Variants in PLEKHA6 observed in about 807,000 individuals in gnomAD.
The protein encoded by PLEKHA6 is pleckstrin homology domain-containing family A member 6.
PLEKHA6 carries 60 observed loss-of-function variants against 116.7 expected under a neutral mutation model. That is an observed-to-expected ratio of 0.51 (90% CI 0.42 to 0.64). PLEKHA6 has a LOEUF of 0.64. PLEKHA6 is among the 30% of genes least tolerant of loss of function. PLEKHA6 has a pLI of 0.00. For missense variants in PLEKHA6, 1,338 were observed against 1,422.7 expected (o/e 0.94, Z 0.96); for synonymous variants, 489 against 556.1 (o/e 0.88, Z 1.70).
chr1:204,328,015 G>C (rs533555692), intron 1 of PLEKHA6, among the ~76,000 whole-genome samples: 1 of 151,788 alleles, frequency 6.6e-6, no homozygotes, highest in African/African-American at 2.4e-5. Context: ...ACCCTGGCTG[G>C]GATAAAAAGG....
At chr1:204,288,044 T>C (rs1669376210) in intron 1 of PLEKHA6, among the ~76,000 whole-genome samples, 1 of 152,196 alleles carries the variant, frequency 6.6e-6, no homozygotes, top group Non-Finnish European at 1.5e-5. Context: ...TATCTAGGCT[T>C]CCTTTTCTGT....
rs368218329 is a variant in PLEKHA6, at chr1:204,267,464, G to A, written c.280+11C>T. On this transcript the variant is annotated intron_variant, in intron 5 of 22. Transcript: ENST00000272203. ...TCCTGCCATCCCTGCCAGTCCAAGGGCCAAGCTCACCTTTATAGTAGAAGA... is the reference window on the plus strand; with the variant it reads ...TCCTGCCATCCCTGCCAGTCCAAGGACCAAGCTCACCTTTATAGTAGAAGA... 1.9e-6 allele frequency: 3 copies of A among 1,611,862 alleles called. No individual in the cohort carries two copies. The highest frequency in any genetic ancestry group is 2.5e-6 in the Non-Finnish European group (3 of 1,178,138).
chr1:204,365,697 C>T (rs1414016007), intron 3 of PLEKHA6, among the ~76,000 whole-genome samples: 1 of 152,184 alleles, frequency 6.6e-6, no homozygotes, highest in Non-Finnish European at 1.5e-5. Flanking sequence ...TCAGGAAATA[C>T]TGGATTGCTA....
chr1:204,314,184 C>A (rs1671766842), intron 1 of PLEKHA6, among the ~76,000 whole-genome samples: 1 of 152,150 alleles, frequency 6.6e-6, no homozygotes, highest in African/African-American at 2.4e-5. Context: ...AAGCAAGGTG[C>A]CCTCAAACAG....
intron 1 of PLEKHA6, chr1:204,313,452 C>T (rs1273846547): frequency 7.9e-6 from 4 of 508,266 alleles, no homozygotes; most frequent in African/African-American, 2.1e-5. Context: ...TCGGGGACTC[C>T]CTGAACATAG....
At chr1:204,337,086 G>T (rs79188319) in intron 1 of PLEKHA6, among the ~76,000 whole-genome samples, 6,860 of 152,306 alleles carry the variant, frequency 0.045, 163 homozygotes, top group African/African-American at 0.053. Flanking sequence ...GGAAGGGTAT[G>T]AGAAGAGTTA....
At chr1:204,338,530 A>T (rs1323628485) in intron 1 of PLEKHA6, among the ~76,000 whole-genome samples, 1 of 152,220 alleles carries the variant, frequency 6.6e-6, no homozygotes, top group Non-Finnish European at 1.5e-5. Context: ...CAGGAACTTT[A>T]CTAGGTCTTT....
chr1:204,302,876 C>CAAAGAA (rs148042120), intron 1 of PLEKHA6, among the ~76,000 whole-genome samples: 52,234 of 148,268 alleles, frequency 0.35, 10,513 homozygotes, highest in Middle Eastern at 0.46. Flanking sequence ...AACTCCATCT[C>CAAAGAA]AAAGAAAAAG....
chr1:204,241,183 C>T (rs1274596407), intron 17 of PLEKHA6, among the ~76,000 whole-genome samples, 192 bp downstream of exon 17: 1 of 152,184 alleles, frequency 6.6e-6, no homozygotes, highest in Non-Finnish European at 1.5e-5. Flanking sequence ...AGCATAGCTT[C>T]CTCATCCCCT....
intron 2 of PLEKHA6, among the ~76,000 whole-genome samples, chr1:204,274,319 G>T (rs1253997424): frequency 6.6e-6 from 1 of 152,202 alleles, no homozygotes; most frequent in Non-Finnish European, 1.5e-5. Context: ...AGTGGCCTAT[G>T]AGAGTAGATT....
Position 204,223,069 on chromosome 1 carries a change from G to A in PLEKHA6, c.*9-290C>T, listed in dbSNP as rs1372527751. ...CTGGGAGTGGAGAAACAGCTTCTGA[G>A]GGCTTCTGAAGGTTCTGCATCTGTG... On this transcript the variant is annotated intron_variant, in intron 22 of 22. Coordinates refer to ENST00000272203, the MANE Select transcript of PLEKHA6 (RefSeq NM_014935.5). The surrounding 1 kb of genome is among the most constrained non-coding windows in gnomAD (Gnocchi z 4.8). Among the ~76,000 whole-genome samples the A allele has an allele frequency of 6.6e-6, 1 of 152,162 alleles. No homozygotes were observed. The highest frequency in any genetic ancestry group is 1.5e-5 in the Non-Finnish European group (1 of 68,026).
At chr1:204,339,612 T>G (rs1467164227) in intron 1 of PLEKHA6, among the ~76,000 whole-genome samples, 1 of 152,122 alleles carries the variant, frequency 6.6e-6, no homozygotes, top group African/African-American at 2.4e-5. Context: ...ACTTCATAAT[T>G]CAATGAACCC....
intron 1 of PLEKHA6, among the ~76,000 whole-genome samples, chr1:204,275,470 C>T (rs2102915331): frequency 6.6e-6 from 1 of 152,110 alleles, no homozygotes; most frequent in East Asian, 1.9e-4. Context: ...GATGCTGTGG[C>T]CAGGAGAGGG....
chr1:204,364,359 C>T (rs75027205), upstream of PLEKHA6, among the ~76,000 whole-genome samples: 2,282 of 152,292 alleles, frequency 0.015, 44 homozygotes, highest in Non-Finnish European at 0.021. Flanking sequence ...GGGAAGCAGC[C>T]GTGCCATCAT....
chr1:204,342,227 C>A (rs73079561), intron 1 of PLEKHA6, among the ~76,000 whole-genome samples: 6,942 of 152,226 alleles, frequency 0.046, 235 homozygotes, highest in Middle Eastern at 0.099. Flanking sequence ...ACATTATGAG[C>A]TGAGCACAGT....
intron 1 of PLEKHA6, among the ~76,000 whole-genome samples, chr1:204,283,998 G>A (rs1668911099): frequency 2.0e-5 from 3 of 152,228 alleles, no homozygotes; most frequent in Non-Finnish European, 4.4e-5. Flanking sequence ...CTGCCTGGAG[G>A]AGGGGGCACG....
At chr1:204,295,944 C>T (rs549956278) in intron 1 of PLEKHA6, among the ~76,000 whole-genome samples, 12 of 152,230 alleles carry the variant, frequency 7.9e-5, no homozygotes, top group Admixed American at 3.9e-4. Flanking sequence ...AGCTCCAAAC[C>T]GCACAAACAC....
At chr1:204,353,331 C>T (rs566677209) in intron 1 of PLEKHA6, among the ~76,000 whole-genome samples, 3 of 152,330 alleles carry the variant, frequency 2.0e-5, no homozygotes, top group East Asian at 3.9e-4. Flanking sequence ...CCAAGGCTTT[C>T]TCATGAGTGT....
intron 1 of PLEKHA6, among the ~76,000 whole-genome samples, chr1:204,279,605 G>A (rs530980812): frequency 4.0e-4 from 61 of 152,276 alleles, no homozygotes; most frequent in Non-Finnish European, 7.2e-4. Context: ...CAAGAGAAGG[G>A]AAAATCTCAA....
Sources: gnomAD v4.1 joint callset for allele counts (sites outside exome capture counted in the v4.1 genomes callset) on GRCh38, gnomAD v4.1.1 for gene constraint, Gnocchi (gnomAD v3.1) non-coding constraint, MANE v1.5 for transcripts, NCBI Gene and HGNC (gene_info 2026-07-23, HGNC 2026-07-21) for gene names.